The following MSRA variants were observed in gnomAD, a reference collection of about 807,000 sequenced individuals.
MSRA encodes the protein mitochondrial peptide methionine sulfoxide reductase.
In MSRA, 54 loss-of-function variants were observed where a neutral mutation model predicts 31.3. The ratio of observed to expected loss-of-function variants is 1.73; its 90% CI spans 1.39 to 2.17. The LOEUF (loss-of-function observed/expected upper bound fraction) is 2.17. MSRA is among the 30% of genes most tolerant of loss of function. The pLI is 0.00. For missense variants in MSRA, 507 were observed against 300.9 expected (o/e 1.69, Z -5.07); for synonymous variants, 169 against 116.5 (o/e 1.45, Z -2.90).
intron 1 of MSRA, among the ~76,000 whole-genome samples, chr8:10,128,397 C>G (rs545472523): frequency 6.6e-6 from 1 of 151,884 alleles, no homozygotes; most frequent in Non-Finnish European, 1.5e-5. Context: ...AAAAAAAATT[C>G]TGTCTAAATT....
At chr8:10,164,728 C>T (rs964797953) in intron 1 of MSRA, among the ~76,000 whole-genome samples, 2 of 152,138 alleles carry the variant, frequency 1.3e-5, no homozygotes. Flanking sequence ...TCACCCTCAA[C>T]CCTGGGCTGC....
intron 1 of MSRA, among the ~76,000 whole-genome samples, chr8:10,190,937 G>A (rs1272822136): frequency 6.6e-6 from 1 of 152,172 alleles, no homozygotes; most frequent in East Asian, 1.9e-4. Context: ...AAGTTCAGGA[G>A]TCAGTAAACT....
chr8:10,381,403 G>C lies in MSRA; in HGVS notation c.544-46745G>C, dbSNP rs577578325. Among the ~76,000 whole-genome samples, 8 of 152,298 alleles carry C rather than the reference G, an allele frequency of 5.3e-5. No homozygotes were observed. The South Asian group carries it at 1.7e-3, about 32-fold the overall frequency. ...TTTAGGGCTAATCCCCAGGACCTCAGAAAGGACATGTCCTGAAGAGCAGAA... is the reference window on the plus strand; with the variant it reads ...TTTAGGGCTAATCCCCAGGACCTCACAAAGGACATGTCCTGAAGAGCAGAA... On this transcript the variant is annotated intron_variant, in intron 5 of 5. Coordinates refer to ENST00000317173, the MANE Select transcript of MSRA (RefSeq NM_012331.5).
At chr8:10,368,676 T>G (rs1197124905) in intron 5 of MSRA, among the ~76,000 whole-genome samples, 1 of 152,230 alleles carries the variant, frequency 6.6e-6, no homozygotes, top group African/African-American at 2.4e-5. Context: ...GCTCTTTTAT[T>G]AAAACAAAGC....
chr8:10,245,859 A>T (rs1797597046), intron 3 of MSRA, among the ~76,000 whole-genome samples: 1 of 152,368 alleles, frequency 6.6e-6, no homozygotes, highest in South Asian at 2.1e-4. Context: ...CCAATATGGG[A>T]TGGCTCCCCA....
At chr8:10,146,762 G>A (rs1017754123) in intron 1 of MSRA, among the ~76,000 whole-genome samples, 42 of 152,242 alleles carry the variant, frequency 2.8e-4, no homozygotes, top group African/African-American at 9.9e-4. Flanking sequence ...TGGGCGTGGC[G>A]CTGGTCTGAG....
intron 1 of MSRA, among the ~76,000 whole-genome samples, chr8:10,186,655 C>A (rs902716934): frequency 6.6e-6 from 1 of 152,090 alleles, no homozygotes; most frequent in East Asian, 1.9e-4. Context: ...AAAGCGCATA[C>A]AATTTAAACC....
intron 1 of MSRA, among the ~76,000 whole-genome samples, chr8:10,151,121 T>C (rs977659657): frequency 1.3e-5 from 2 of 151,288 alleles, no homozygotes; most frequent in African/African-American, 4.9e-5. Context: ...CATGCCTACT[T>C]GTGGAGGGTA....
At chr8:10,427,759 A>G (rs1321632951) in intron 5 of MSRA, among the ~76,000 whole-genome samples, 2 of 152,146 alleles carry the variant, frequency 1.3e-5, no homozygotes, top group Admixed American at 6.5e-5. Context: ...AGGGACATCC[A>G]TTTACCCTCG....
intron 5 of MSRA, among the ~76,000 whole-genome samples, chr8:10,390,274 G>T (rs1377305007): frequency 6.6e-6 from 1 of 152,226 alleles, no homozygotes; most frequent in Non-Finnish European, 1.5e-5. Flanking sequence ...TCCCTGTGTG[G>T]CCACATGGGC....
intron 1 of MSRA, among the ~76,000 whole-genome samples, chr8:10,126,401 A>G (rs1418363188): frequency 1.3e-5 from 2 of 152,230 alleles, no homozygotes; most frequent in Non-Finnish European, 2.9e-5. Flanking sequence ...GCTCTGTGGC[A>G]CCAGGGACTG....
intron 1 of MSRA, among the ~76,000 whole-genome samples, chr8:10,056,215 A>AAAAC (rs1554532537): frequency 2.0e-5 from 3 of 151,328 alleles, no homozygotes; most frequent in African/African-American, 7.3e-5. Flanking sequence ...AAAAAAAAAA[A>AAAAC]AAAAAACCCC....
chr8:10,203,525 TG>T (rs1274538099), intron 1 of MSRA, among the ~76,000 whole-genome samples: 2 of 152,232 alleles, frequency 1.3e-5, no homozygotes, highest in Non-Finnish European at 2.9e-5. Context: ...ATTGTAACCA[TG>T]GTGACATCGT....
intron 1 of MSRA, among the ~76,000 whole-genome samples, chr8:10,102,518 T>G (rs1039546273): frequency 6.6e-6 from 1 of 152,216 alleles, no homozygotes; most frequent in African/African-American, 2.4e-5. Context: ...TTTTTAGTTG[T>G]TTGTGGAAAC....
intron 1 of MSRA, among the ~76,000 whole-genome samples, chr8:10,175,366 T>G (rs1052224476): frequency 6.6e-6 from 1 of 152,232 alleles, no homozygotes; most frequent in Non-Finnish European, 1.5e-5. Context: ...TGGAACATGT[T>G]TACCCTGTTG....
chr8:10,213,422 A>T (rs1264603891), intron 2 of MSRA, among the ~76,000 whole-genome samples: 1 of 134,704 alleles, frequency 7.4e-6, no homozygotes, highest in African/African-American at 2.7e-5. Context: ...GTGTACATGT[A>T]CCACACTTTC....
At chr8:10,424,569 G>A (rs549626117) in intron 5 of MSRA, among the ~76,000 whole-genome samples, 130 of 151,794 alleles carry the variant, frequency 8.6e-4, no homozygotes, top group Admixed American at 5.4e-3. Context: ...AGTGGGATTC[G>A]GGAGAAGGGC....
intron 1 of MSRA, among the ~76,000 whole-genome samples, chr8:10,131,530 T>A (rs183248672): frequency 6.6e-6 from 1 of 152,350 alleles, no homozygotes; most frequent in East Asian, 1.9e-4. Flanking sequence ...TTCGTAGGTG[T>A]ACACTCCTGA....
At chr8:10,156,745 T>G (rs192289148) in intron 1 of MSRA, among the ~76,000 whole-genome samples, 53 of 151,856 alleles carry the variant, frequency 3.5e-4, no homozygotes, top group Non-Finnish European at 5.4e-4. Flanking sequence ...GGTGATGGAA[T>G]AGAATTTTCC....
Sources: allele counts gnomAD v4.1 joint callset (sites outside exome capture counted in the v4.1 genomes callset), GRCh38; gene constraint gnomAD v4.1.1; transcripts MANE v1.5; gene names NCBI Gene and HGNC (gene_info 2026-07-23, HGNC 2026-07-21).